The following TRPV1 variants were observed in gnomAD, a reference collection of about 807,000 sequenced individuals.
TRPV1 encodes the protein OTRPC1.
In TRPV1, 82 loss-of-function variants were observed where a neutral mutation model predicts 82.3. The ratio of observed to expected loss-of-function variants is 1.00; its 90% confidence interval spans 0.83 to 1.20. TRPV1 has a LOEUF of 1.20. TRPV1 is among the 50% of genes most tolerant of loss of function. The pLI, the probability that TRPV1 is intolerant of heterozygous loss-of-function variation, is 0.00. For missense variants in TRPV1, 1,067 were observed against 1,096.8 expected, an observed-to-expected ratio of 0.97 and a Z score of 0.38; for synonymous variants, 515 against 467.7, an observed-to-expected ratio of 1.10 and a Z score of -1.30.
At chr17:3,582,724 G>A (rs2075036443) in intron 10 of TRPV1, among the ~76,000 whole-genome samples, 2 of 152,024 alleles carry the variant, frequency 1.3e-5, no homozygotes, top group Admixed American at 1.3e-4. Flanking sequence ...TTGGGAGGCT[G>A]AGGCAGGTGG....
intron 2 of TRPV1, among the ~76,000 whole-genome samples, chr17:3,601,368 C>T (rs1364109147): frequency 6.6e-6 from 1 of 151,988 alleles, no homozygotes; most frequent in African/African-American, 2.4e-5. Flanking sequence ...TGCTGAGCAA[C>T]GCCCCACCCC....
intron 2 of TRPV1, among the ~76,000 whole-genome samples, chr17:3,598,697 C>G (rs1472753776): frequency 2.6e-5 from 4 of 151,164 alleles, no homozygotes; most frequent in African/African-American, 9.7e-5. Context: ...TCCCAAGTAG[C>G]TGGGATTACA....
rs1000950184 is a variant in TRPV1, at chr17:3,572,940, G to A, written c.2104-691C>T. Reference sequence around the variant, plus strand: ...AGAGGTTGCAGTCAGCCAAGATCATGCCAATGCACTCCAGCCTGGGTGACA... The same window carrying A: ...AGAGGTTGCAGTCAGCCAAGATCATACCAATGCACTCCAGCCTGGGTGACA... On this transcript the variant is annotated intron_variant, in intron 14 of 16. Coordinates refer to ENST00000572705, the MANE Select transcript of TRPV1 (RefSeq NM_080704.4). Among the ~76,000 whole-genome samples the A allele has an allele frequency of 8.5e-5, 11 of 129,988 alleles. 1 individual carries two copies. Among genetic ancestry groups the A allele is most frequent in the African/African-American group, 3.2e-4 (11 of 34,562 alleles). 85.3% of individuals were successfully genotyped at this position (129,988 alleles called of 152,430 possible).
intron 2 of TRPV1, among the ~76,000 whole-genome samples, chr17:3,594,323 T>A (rs913664592): frequency 1.3e-4 from 20 of 150,890 alleles, no homozygotes; most frequent in African/African-American, 4.9e-4. Flanking sequence ...TCCTGCATTT[T>A]CTTTTTTTTT....
chr17:3,590,289 G>A lies in TRPV1; in HGVS notation c.708C>T (p.Phe236=), dbSNP rs1261733074. 1 of 1,613,982 alleles carries A rather than the reference G, an allele frequency of 6.2e-7. No individual in the cohort carries two copies. Among genetic ancestry groups the A allele is most frequent in the East Asian group, 2.2e-5 (1 of 44,878 alleles). Residue 236 remains phenylalanine (F), a synonymous_variant, in exon 6 of 17, where the codon TTC becomes TTT. Transcript: ENST00000572705. ...ADVQAAAHGD[F]FKKTKGRPGF... is the part of the protein sequence containing the mutation. ...CAGGCCGCCCTTTGGTTTTCTTAAA[G>A]AAGTCCCCATGGGCCGCAGCCTGGA...
intron 12 of TRPV1, 118 bp downstream of exon 12, chr17:3,577,480 G>T: frequency 7.7e-7 from 1 of 1,302,354 alleles, no homozygotes; most frequent in Non-Finnish European, 1.1e-6. Context: ...TAGGCTGGGG[G>T]GTAAACCAGC....
intron 16 of TRPV1, among the ~76,000 whole-genome samples, chr17:3,569,137 G>C (rs989651148): frequency 3.3e-5 from 5 of 152,146 alleles, no homozygotes; most frequent in African/African-American, 1.2e-4. Context: ...GGAGTGGGGA[G>C]GGACAGCATT....
chr17:3,570,256 G>A (rs976231774), intron 16 of TRPV1, among the ~76,000 whole-genome samples: 1 of 151,950 alleles, frequency 6.6e-6, no homozygotes, highest in African/African-American at 2.4e-5. Context: ...TGTAATCCCA[G>A]CTACTCGGGA....
At chr17:3,588,880 C>A (rs1213334609) in intron 7 of TRPV1, 1 of 1,534,110 alleles carries the variant, frequency 6.5e-7, no homozygotes, top group South Asian at 1.2e-5. Flanking sequence ...CTACCTGCAC[C>A]ATATCAGGCC....
intron 8 of TRPV1, among the ~76,000 whole-genome samples, chr17:3,587,845 C>G (rs1236535310): frequency 7.8e-6 from 1 of 128,188 alleles, no homozygotes; most frequent in Non-Finnish European, 1.8e-5. Flanking sequence ...CACGCCCTGC[C>G]ATCAAGTGAA....
At position 3,588,384 on chromosome 17, in the gene TRPV1, A is replaced by T; in HGVS notation, c.1045-17T>A. On this transcript the variant is annotated splice_polypyrimidine_tract_variant and intron_variant, in intron 7 of 16. Coordinates refer to ENST00000572705, the MANE Select transcript of TRPV1 (RefSeq NM_080704.4). ...GGCCAAGACCTGCCCCCGGGGAGCAAGAGCCCGTCAGAGGCCAGCCCCAGG... is the reference window on the plus strand; with the variant it reads ...GGCCAAGACCTGCCCCCGGGGAGCATGAGCCCGTCAGAGGCCAGCCCCAGG... 1 of 1,549,090 alleles carries T rather than the reference A, an allele frequency of 6.5e-7. No homozygotes were observed.
intron 14 of TRPV1, among the ~76,000 whole-genome samples, chr17:3,573,048 G>A (rs1567658715): frequency 6.6e-6 from 1 of 150,384 alleles, no homozygotes; most frequent in Non-Finnish European, 1.5e-5. Flanking sequence ...ACTGTTGTGA[G>A]GATTAAATGA....
intron 10 of TRPV1, 25 bp from the exon 11 acceptor site, chr17:3,580,552 A>T (rs201827248): frequency 1.2e-6 from 2 of 1,613,108 alleles, no homozygotes. Flanking sequence ...AGAGAGTAAG[A>T]TCCCAGGCAA....
chr17:3,584,463 C>T (rs2075060365), intron 9 of TRPV1, among the ~76,000 whole-genome samples: 1 of 140,172 alleles, frequency 7.1e-6, no homozygotes, highest in African/African-American at 2.6e-5. Flanking sequence ...AATAGGTGGA[C>T]AGAAATCGGG....
chr17:3,581,991 C>T (rs1159390627), intron 10 of TRPV1, among the ~76,000 whole-genome samples: 43 of 147,198 alleles, frequency 2.9e-4, no homozygotes, highest in African/African-American at 8.7e-4. Flanking sequence ...GAGATCGAGA[C>T]CATCCTGGCT....
Position 3,588,888 on chromosome 17 carries a change from G to A in TRPV1, c.1045-521C>T. 3 of 1,534,660 alleles carry A rather than the reference G, an allele frequency of 2.0e-6. No individual in the cohort carries two copies. The South Asian group carries it at 3.6e-5, about 18-fold the overall frequency. ...TCAGATACTACCTGCACCATATCAG[G>A]CCCACAATCCCCTCACGGCGAGGCC... is the stretch of plus-strand genomic sequence containing the variant. On this transcript the variant is annotated intron_variant, in intron 7 of 16. Transcript: ENST00000572705.
chr17:3,577,260 C>T (rs935979665), intron 12 of TRPV1, 68 bp from the exon 13 acceptor site: 156 of 1,517,930 alleles, frequency 1.0e-4, no homozygotes, highest in Middle Eastern at 1.7e-4. Context: ...AGGGCCGGGC[C>T]GCATCGGCCT....
At chr17:3,608,792 A>AC (rs2075317275) in intron 1 of TRPV1, 1 of 152,198 alleles carries the variant, frequency 6.6e-6, no homozygotes, top group African/African-American at 2.4e-5. Context: ...TCCCCAGAGC[A>AC]CTTCAACCTC....
At chr17:3,592,428 G>C in intron 2 of TRPV1, 45 bp from the exon 3 acceptor site, 1 of 1,478,482 alleles carries the variant, frequency 6.8e-7, no homozygotes, top group Non-Finnish European at 9.0e-7. Context: ...AGTAAGGACT[G>C]CTTGTCCTTA....
Sources: allele counts gnomAD v4.1 joint callset (sites outside exome capture counted in the v4.1 genomes callset), GRCh38; gene constraint gnomAD v4.1.1; transcripts MANE v1.5; gene names NCBI Gene and HGNC (gene_info 2026-07-23, HGNC 2026-07-21).